Variants in CYLC2 observed in about 807,000 individuals in gnomAD.
CYLC2 encodes the protein cylicin 2, also known as cylicin-2.
CYLC2 carries 30 observed loss-of-function variants against 26.1 expected under a neutral mutation model. The observed-to-expected ratio is 1.15, with a 90% CI of 0.86 to 1.56. The LOEUF (loss-of-function observed/expected upper bound fraction) is 1.56, where lower values mean the gene tolerates loss of function less well. Ranked by LOEUF, CYLC2 falls within the 40% of genes most tolerant of loss-of-function variation. The probability of loss-of-function intolerance (pLI) is 0.00; values close to 1 mark genes in which losing one functional copy is unlikely to be tolerated. For synonymous variants in CYLC2, 158 were observed against 132.8 expected (o/e 1.19, Z -1.31); for missense variants, 498 against 394.4 (o/e 1.26, Z -2.23).
Position 103,005,321 on chromosome 9 carries a change from A to G in CYLC2, c.690A>G (p.Ser230=). The change falls in exon 5 of 8, where the codon TCA becomes TCG. Residue 230 remains serine (S), a synonymous_variant. Transcript: ENST00000374798. ...GKKDSKKGKD[S]AIELQAVKAD... ...AGGATTCAAAGAAGGGCAAGGATTC[A>G]GCCATAGAATTACAAGCTGTAAAAG... 4 of 1,613,886 alleles carry G rather than the reference A, an allele frequency of 2.5e-6. No individual in the cohort carries two copies. Among genetic ancestry groups the G allele is most frequent in the Non-Finnish European group, 3.4e-6 (4 of 1,179,934 alleles).
chr9:102,997,061 T>A (rs954728273), intron 1 of CYLC2, among the ~76,000 whole-genome samples: 2 of 151,908 alleles, frequency 1.3e-5, no homozygotes, highest in South Asian at 4.1e-4. Flanking sequence ...TATGTTTTTC[T>A]CTCTATTGAG....
intron 5 of CYLC2, among the ~76,000 whole-genome samples, 178 bp from the exon 6 acceptor site, chr9:103,011,803 TA>T (rs1829409388): frequency 6.6e-6 from 1 of 152,068 alleles, no homozygotes; most frequent in African/African-American, 2.4e-5. Flanking sequence ...GCATAATTTT[TA>T]TACAAAGTTT....
At chr9:103,013,718 A>C (rs1483622532) in intron 6 of CYLC2, among the ~76,000 whole-genome samples, 2 of 111,682 alleles carry the variant, frequency 1.8e-5, no homozygotes, top group Non-Finnish European at 3.3e-5. Context: ...TATTATATAT[A>C]TTATGCATTT....
At chr9:103,013,191 T>C (rs1175249386) in intron 6 of CYLC2, among the ~76,000 whole-genome samples, 1 of 132,284 alleles carries the variant, frequency 7.6e-6, no homozygotes, top group Non-Finnish European at 1.6e-5. Context: ...ATATATTATA[T>C]ATAACATATT....
intron 1 of CYLC2, among the ~76,000 whole-genome samples, chr9:102,998,531 A>G (rs1274828193): frequency 6.6e-6 from 1 of 151,918 alleles, no homozygotes; most frequent in Admixed American, 6.6e-5. Context: ...AAAGAGTGGG[A>G]AAGTGCTATC....
At position 103,005,270 on chromosome 9, in the gene CYLC2, A is replaced by C; in HGVS notation, c.639A>C (p.Thr213=). The change falls in exon 5 of 8, where the codon ACA becomes ACC. Residue 213 remains threonine, a synonymous_variant. Coordinates refer to ENST00000374798, the MANE Select transcript of CYLC2 (RefSeq NM_001340.5). ...ATESEGEKGG[T]EKDSKKGKKD... ...AATCTGAAGGTGAAAAAGGAGGTACAGAGAAAGATAGCAAAAAAGGTAAAA... is the reference window on the plus strand; with the variant it reads ...AATCTGAAGGTGAAAAAGGAGGTACCGAGAAAGATAGCAAAAAAGGTAAAA... The C allele has an allele frequency of 6.2e-7, 1 of 1,613,688 alleles. No individual in the cohort carries two copies. The highest frequency in any genetic ancestry group is 8.5e-7 in the Non-Finnish European group (1 of 1,179,896).
intron 1 of CYLC2, 111 bp from the exon 2 acceptor site, chr9:103,001,467 T>G: frequency 7.5e-6 from 5 of 667,628 alleles, no homozygotes; most frequent in Non-Finnish European, 1.1e-5. Flanking sequence ...TATCTGAGAT[T>G]GTGAAATATT....
chr9:103,013,270 A>G (rs1432417692), intron 6 of CYLC2, among the ~76,000 whole-genome samples: 9 of 103,592 alleles, frequency 8.7e-5, no homozygotes, highest in South Asian at 5.7e-4. Flanking sequence ...TGTTATATAT[A>G]TTATATATAA....
At chr9:102,996,008 A>G (rs1463950591) in intron 1 of CYLC2, among the ~76,000 whole-genome samples, 2 of 151,918 alleles carry the variant, frequency 1.3e-5, no homozygotes, top group Non-Finnish European at 2.9e-5. Context: ...GTAGGTAAAG[A>G]GCACGTTTCA....
chr9:103,005,207 TA>T lies in CYLC2; in HGVS notation c.581del (p.Lys194ArgfsTer39), dbSNP rs766829527. The part of the protein sequence containing the change: ...GGAKKDNKKD[K>X]KDSNKGKDSA... ...GTGCAAAGAAAGATAACAAAAAAGA[TA>T]AAAAGGATTCAAACAAAGGCAAAGA... is the stretch of plus-strand genomic sequence containing the variant. On this transcript the variant is annotated frameshift_variant, in exon 5 of 8. Transcript: ENST00000374798. LOFTEE classifies it high-confidence loss of function. 22 of 1,607,906 alleles carry T rather than the reference TA, an allele frequency of 1.4e-5. No individual in the cohort carries two copies. In the Admixed American group the frequency reaches 3.8e-4, roughly 28 times the overall value.
chr9:103,014,962 TTC>T, intron 6 of CYLC2, among the ~76,000 whole-genome samples: 2 of 119,286 alleles, frequency 1.7e-5, no homozygotes, highest in African/African-American at 3.0e-5. Context: ...AATATACATA[TTC>T]ATATTATGTA....
chr9:103,000,037 G>A (rs1171924824), intron 1 of CYLC2, among the ~76,000 whole-genome samples: 6 of 151,546 alleles, frequency 4.0e-5, no homozygotes, highest in African/African-American at 1.5e-4. Flanking sequence ...AGTTTCAATG[G>A]AGAGATGTAA....
chr9:103,003,195 C>A lies in CYLC2; in HGVS notation c.112C>A (p.Pro38Thr). The change falls in exon 3 of 8, where the codon CCC becomes ACC. Residue 38 changes from proline (P) to threonine (T), a missense_variant. Coordinates refer to ENST00000374798, the MANE Select transcript of CYLC2 (RefSeq NM_001340.5). ...TCAGCAACACTTTGCCCTGTTATTT[C>A]CCAAACCACAACGGCCAGGAACCAA... is the stretch of plus-strand genomic sequence containing the variant. ...WNQQHFALLF[P>T]KPQRPGTKRR... 6.2e-7 allele frequency: 1 copy of A among 1,613,804 alleles called. No individual in the cohort carries two copies.
intron 3 of CYLC2, among the ~76,000 whole-genome samples, chr9:103,003,689 T>G (rs1829311900): frequency 6.6e-6 from 1 of 152,112 alleles, no homozygotes; most frequent in Non-Finnish European, 1.5e-5. Flanking sequence ...TTTTTTTCAG[T>G]AACCACACAT....
intron 6 of CYLC2, among the ~76,000 whole-genome samples, chr9:103,016,483 G>A (rs1829507788): frequency 6.6e-6 from 1 of 151,948 alleles, no homozygotes; most frequent in East Asian, 1.9e-4. Context: ...ATGCATATGT[G>A]TGTCCACAAG....
intron 7 of CYLC2, among the ~76,000 whole-genome samples, chr9:103,017,889 T>C (rs1564102333): frequency 6.6e-6 from 1 of 151,946 alleles, no homozygotes; most frequent in Non-Finnish European, 1.5e-5. Context: ...GTCTTTCCTC[T>C]GTGTGGATCT....
intron 3 of CYLC2, among the ~76,000 whole-genome samples, chr9:103,004,364 T>A (rs1342811084): frequency 6.6e-6 from 1 of 152,066 alleles, no homozygotes; most frequent in Admixed American, 6.6e-5. Context: ...GAGCAAGATA[T>A]TCCAAGAATT....
intron 7 of CYLC2, among the ~76,000 whole-genome samples, chr9:103,017,939 G>A (rs528623833): frequency 1.3e-4 from 19 of 151,848 alleles, no homozygotes; most frequent in African/African-American, 4.6e-4. Flanking sequence ...ATTGCATTAC[G>A]GTCCATCTTA....
chr9:103,012,116 A>T lies in CYLC2; in HGVS notation c.*816+19A>T, dbSNP rs1057403632. On this transcript the variant is annotated intron_variant, in intron 6 of 7. Transcript: ENST00000374798. The stretch of plus-strand genomic sequence containing the variant: ...ATTACAGGTATGCATCACCACATCC[A>T]GCTAATTTGTATTTGTTTTGTTTTA... 6 of 151,510 alleles carry T rather than the reference A, an allele frequency of 4.0e-5. 1 individual carries two copies. The Middle Eastern group carries it at 0.02, about 515-fold the overall frequency. 9.4% of individuals were successfully genotyped at this position (151,510 alleles called of 1,614,324 possible). A position where few individuals can be genotyped will look rare whatever the true frequency, so the allele number is the denominator to read the frequency against.
Sources: allele counts gnomAD v4.1 joint callset (sites outside exome capture counted in the v4.1 genomes callset), GRCh38; gene constraint gnomAD v4.1.1; transcripts MANE v1.5; gene names NCBI Gene and HGNC (gene_info 2026-07-23, HGNC 2026-07-21).